The following CTNNA3 variants were observed in gnomAD, a reference collection of about 807,000 sequenced individuals.
CTNNA3 encodes catenin alpha 3, also known as catenin alpha-3.
In CTNNA3, 76 loss-of-function variants were observed where a neutral mutation model predicts 95.7. That is an observed-to-expected ratio of 0.79 (90% CI 0.66 to 0.96). The LOEUF (loss-of-function observed/expected upper bound fraction) is 0.96, where lower values mean the gene tolerates loss of function less well. Among genes scored for constraint, CTNNA3 ranks in the 40% least tolerant of loss-of-function variants. The pLI, the probability that CTNNA3 is intolerant of heterozygous loss-of-function variation, is 0.00. For synonymous variants in CTNNA3, 431 were observed against 374.4 expected, an observed-to-expected ratio of 1.15 and a Z score of -1.74; for missense variants, 1,191 against 1,089.8, an observed-to-expected ratio of 1.09 and a Z score of -1.31.
chr10:66,756,734 T>C (rs1839373965), intron 9 of CTNNA3, among the ~76,000 whole-genome samples: 1 of 152,138 alleles, frequency 6.6e-6, no homozygotes, highest in Non-Finnish European at 1.5e-5. Context: ...GAAAGAAAGC[T>C]GGGAGGAACC....
intron 13 of CTNNA3, among the ~76,000 whole-genome samples, chr10:66,144,270 C>G (rs2083762525): frequency 6.6e-6 from 1 of 152,010 alleles, no homozygotes; most frequent in South Asian, 2.1e-4. Flanking sequence ...TGTTTTGTTT[C>G]CATGGTTATG....
At chr10:66,857,389 AT>A (rs35884945) in intron 7 of CTNNA3, among the ~76,000 whole-genome samples, 42,706 of 143,988 alleles carry the variant, frequency 0.3, 6,791 homozygotes, top group East Asian at 0.54. Flanking sequence ...ATTTGGACTA[AT>A]TTTTTTTTTT....
At chr10:66,521,186 A>C (rs1184791650) in intron 10 of CTNNA3, among the ~76,000 whole-genome samples, 1 of 151,512 alleles carries the variant, frequency 6.6e-6, no homozygotes, top group African/African-American at 2.4e-5. Context: ...TATTAGTATA[A>C]ATTATATAGG....
intron 14 of CTNNA3, among the ~76,000 whole-genome samples, chr10:66,075,018 C>A (rs939462026): frequency 1.3e-5 from 2 of 151,722 alleles, no homozygotes; most frequent in Non-Finnish European, 3.0e-5. Flanking sequence ...TACACAAATG[C>A]CAAGCTTTTG....
chr10:66,736,435 T>C (rs1405725944), intron 9 of CTNNA3, among the ~76,000 whole-genome samples: 1 of 151,916 alleles, frequency 6.6e-6, no homozygotes, highest in Non-Finnish European at 1.5e-5. Flanking sequence ...TGAGGCAATC[T>C]GCCTGCCTCG....
intron 4 of CTNNA3, among the ~76,000 whole-genome samples, chr10:67,530,109 T>C (rs893411583): frequency 2.0e-5 from 3 of 152,190 alleles, no homozygotes; most frequent in African/African-American, 4.8e-5. Context: ...TAAACCTCCT[T>C]CTTTTATAAA....
intron 7 of CTNNA3, among the ~76,000 whole-genome samples, chr10:66,900,737 G>C (rs1014404399): frequency 6.6e-6 from 1 of 152,150 alleles, no homozygotes; most frequent in Non-Finnish European, 1.5e-5. Context: ...ACAGGCACAA[G>C]CTTCAGTAGC....
intron 7 of CTNNA3, among the ~76,000 whole-genome samples, chr10:67,003,826 G>C (rs1851816225): frequency 6.6e-6 from 1 of 152,124 alleles, no homozygotes; most frequent in Non-Finnish European, 1.5e-5. Flanking sequence ...GTTGTCTCTA[G>C]CAGAGGGTGG....
chr10:66,416,682 T>C (rs2093148958), intron 11 of CTNNA3, among the ~76,000 whole-genome samples: 1 of 151,902 alleles, frequency 6.6e-6, no homozygotes, highest in Non-Finnish European at 1.5e-5. Context: ...AAAGAAAAAC[T>C]GCAAGCTAAG....
In CTNNA3 at chr10:67,586,785, T is replaced by C. The variant is rs144092553; in HGVS notation, c.292+20072A>G. ...AAGTGGAGCAGGTAGTCCATTTATG[T>C]TCAAAGTTATTATTGATATGTAAGG... On this transcript the variant is annotated intron_variant, in intron 3 of 17. Transcript: ENST00000433211. Among the ~76,000 whole-genome samples the C allele has an allele frequency of 6.1e-3, 923 of 152,264 alleles. 18 individuals carry two copies. The highest frequency in any genetic ancestry group is 0.021 in the African/African-American group (873 of 41,576).
intron 9 of CTNNA3, among the ~76,000 whole-genome samples, chr10:66,660,033 G>A (rs1846207956): frequency 6.6e-6 from 1 of 151,906 alleles, no homozygotes; most frequent in Non-Finnish European, 1.5e-5. Context: ...AGTTGCTCAG[G>A]ATGGTCTCAA....
rs181753877 is a variant in CTNNA3, at chr10:66,865,638, G to A, written c.1048-90114C>T. 2.7e-3 allele frequency among the ~76,000 whole-genome samples: 412 copies of A among 151,870 alleles called. 2 individuals carry two copies. Among genetic ancestry groups the A allele is most frequent in the Non-Finnish European group, 4.9e-3 (336 of 67,946 alleles). On this transcript the variant is annotated intron_variant, in intron 7 of 17. Coordinates refer to ENST00000433211, the MANE Select transcript of CTNNA3 (RefSeq NM_013266.4). ...ATTATATTATATAAAATATGTAAAC[G>A]TAATGGAAAAAATCACAGAAGATGT...
intron 17 of CTNNA3, among the ~76,000 whole-genome samples, chr10:65,952,306 T>C (rs2077635118): frequency 6.6e-6 from 1 of 152,164 alleles, no homozygotes. Flanking sequence ...ATCCTTTAAA[T>C]TACTAAGGTC....
At chr10:66,303,920 T>G (rs891607086) in intron 12 of CTNNA3, among the ~76,000 whole-genome samples, 4 of 152,166 alleles carry the variant, frequency 2.6e-5, no homozygotes, top group Non-Finnish European at 5.9e-5. Context: ...AAGGGCAATT[T>G]TTAAGTCCTC....
chr10:67,011,779 A>G (rs1852355985), intron 7 of CTNNA3, among the ~76,000 whole-genome samples: 1 of 152,174 alleles, frequency 6.6e-6, no homozygotes, highest in African/African-American at 2.4e-5. Context: ...TATTATCATC[A>G]ACCATACATA....
intron 13 of CTNNA3, among the ~76,000 whole-genome samples, chr10:66,190,480 G>T (rs1406467809): frequency 6.6e-6 from 1 of 152,062 alleles, no homozygotes; most frequent in Non-Finnish European, 1.5e-5. Flanking sequence ...AAGCCTTATG[G>T]TCTGAGTGGA....
At chr10:67,691,622 C>G (rs987368854) in intron 1 of CTNNA3, among the ~76,000 whole-genome samples, 1 of 151,236 alleles carries the variant, frequency 6.6e-6, no homozygotes, top group African/African-American at 2.4e-5. Context: ...CTGGCAACCG[C>G]CCCGTCTGAG....
intron 13 of CTNNA3, among the ~76,000 whole-genome samples, chr10:66,235,518 A>G (rs1302096617): frequency 6.6e-6 from 1 of 152,016 alleles, no homozygotes; most frequent in Non-Finnish European, 1.5e-5. Context: ...AAATAACCAC[A>G]TATAATCATA....
chr10:66,998,200 A>G (rs1851465293), intron 7 of CTNNA3, among the ~76,000 whole-genome samples: 2 of 152,222 alleles, frequency 1.3e-5, no homozygotes, highest in Non-Finnish European at 2.9e-5. Flanking sequence ...TTTATGTCTC[A>G]TCTACCTTCC....
Sources: allele counts gnomAD v4.1 joint callset (sites outside exome capture counted in the v4.1 genomes callset), GRCh38; gene constraint gnomAD v4.1.1; transcripts MANE v1.5; gene names NCBI Gene and HGNC (gene_info 2026-07-23, HGNC 2026-07-21).